Variants in TLN2 observed in about 807,000 individuals in gnomAD.
TLN2 encodes talin-2.
Under a neutral mutation model 294.7 loss-of-function variants are expected in TLN2, and 118 were observed. That is an observed-to-expected ratio of 0.40 (90% confidence interval 0.34 to 0.47). TLN2 has a LOEUF of 0.47. Ranked by LOEUF, TLN2 falls within the 20% of genes least tolerant of loss-of-function variation. The pLI is 0.84. For missense variants in TLN2, 3,083 were observed against 3,282.2 expected (o/e 0.94, Z 1.48); for synonymous variants, 1,431 against 1,304.5 (o/e 1.10, Z -2.09).
chr15:62,398,243 T>A (rs1284575741), intron 1 of TLN2, among the ~76,000 whole-genome samples: 2 of 152,180 alleles, frequency 1.3e-5, no homozygotes, highest in Non-Finnish European at 2.9e-5. Context: ...CTTTTACCCC[T>A]TTGCTTGGCA....
At chr15:62,549,302 A>G (rs183991951) in intron 1 of TLN2, among the ~76,000 whole-genome samples, 73 of 151,860 alleles carry the variant, frequency 4.8e-4, no homozygotes, top group African/African-American at 1.6e-3. Context: ...GCTGAAGTTT[A>G]TTTATTATTA....
chr15:62,549,830 A>C (rs867675564), intron 1 of TLN2, among the ~76,000 whole-genome samples: 3 of 152,212 alleles, frequency 2.0e-5, no homozygotes, highest in Non-Finnish European at 4.4e-5. Flanking sequence ...AATCAAGGCC[A>C]CAATGATGTC....
At chr15:62,493,555 C>G (rs1297920931) in intron 1 of TLN2, among the ~76,000 whole-genome samples, 1 of 151,976 alleles carries the variant, frequency 6.6e-6, no homozygotes, top group Non-Finnish European at 1.5e-5. Context: ...CCCAAATCCA[C>G]TCAGCTTTCA....
At chr15:62,755,411 A>C in intron 36 of TLN2, 121 bp from the exon 37 acceptor site, 2 of 1,253,722 alleles carry the variant, frequency 1.6e-6, no homozygotes, top group Non-Finnish European at 1.1e-6. Flanking sequence ...AGAACTAGAC[A>C]TGCTTGTAAT....
intron 1 of TLN2, among the ~76,000 whole-genome samples, chr15:62,537,700 T>G (rs923757297): frequency 3.2e-4 from 49 of 152,170 alleles, no homozygotes; most frequent in African/African-American, 1.1e-3. Flanking sequence ...GAATGATGGA[T>G]GAGAATGTTA....
chr15:62,746,160 T>TA (rs397768910), intron 32 of TLN2, among the ~76,000 whole-genome samples: 1 of 151,886 alleles, frequency 6.6e-6, no homozygotes, highest in Non-Finnish European at 1.5e-5. Context: ...CAAGGTTTTT[T>TA]AAAAAACACA....
chr15:62,518,480 C>T (rs975315243), intron 1 of TLN2, among the ~76,000 whole-genome samples: 7 of 152,164 alleles, frequency 4.6e-5, no homozygotes, highest in African/African-American at 1.7e-4. Context: ...CTTGTCTGAG[C>T]CTCAGGTTTC....
At chr15:62,747,011 A>G (rs543625953) in intron 32 of TLN2, among the ~76,000 whole-genome samples, 1 of 152,310 alleles carries the variant, frequency 6.6e-6, no homozygotes, top group Non-Finnish European at 1.5e-5. Flanking sequence ...AGTGCAACAC[A>G]TATCAATGGT....
At chr15:62,685,755 A>G (rs995134172) in intron 11 of TLN2, among the ~76,000 whole-genome samples, 1 of 152,190 alleles carries the variant, frequency 6.6e-6, no homozygotes, top group Non-Finnish European at 1.5e-5. Flanking sequence ...CATCACATAG[A>G]CAGTATATGA....
At chr15:62,818,392 A>G (rs937165044) in intron 52 of TLN2, among the ~76,000 whole-genome samples, 6 of 152,192 alleles carry the variant, frequency 3.9e-5, no homozygotes, top group Non-Finnish European at 7.3e-5. Flanking sequence ...AAGAATTTCA[A>G]CATGAGGAAG....
At chr15:62,516,006 G>A (rs1432933005) in intron 1 of TLN2, among the ~76,000 whole-genome samples, 1 of 152,180 alleles carries the variant, frequency 6.6e-6, no homozygotes, top group South Asian at 2.1e-4. Flanking sequence ...GCCAGGACTC[G>A]AAGGGAGCCA....
chr15:62,499,580 C>T (rs1314879041), intron 1 of TLN2, among the ~76,000 whole-genome samples: 4 of 152,146 alleles, frequency 2.6e-5, no homozygotes, highest in Admixed American at 1.3e-4. Context: ...CCCCACTTTA[C>T]CAGTCCTTAA....
rs1397019443 is a variant in TLN2 at position 62,771,150 on chromosome 15, T to A, written c.5367+16T>A. 5 of 1,594,674 alleles carry A rather than the reference T, an allele frequency of 3.1e-6. No homozygotes were observed. In the Admixed American group the frequency reaches 5.1e-5, roughly 16 times the overall value. ...AAACCCCAAGGTATGGTCCAGGATA[T>A]CGGGGACTCACTTAGGACCACTAAG... On this transcript the variant is annotated intron_variant, in intron 42 of 58. Transcript: ENST00000636159.
intron 2 of TLN2, among the ~76,000 whole-genome samples, chr15:62,596,856 C>T (rs1479807466): frequency 6.6e-6 from 1 of 151,876 alleles, no homozygotes; most frequent in Admixed American, 6.6e-5. Context: ...AGCATCTTGC[C>T]TTCCTTCACT....
At chr15:62,740,889 T>TG in intron 32 of TLN2, 120 bp downstream of exon 32, 1 of 1,320,812 alleles carries the variant, frequency 7.6e-7, no homozygotes. Context: ...CCTTAGGTCA[T>TG]GGGAGGTGGA....
At chr15:62,832,579 A>T (rs2068986399) in intron 54 of TLN2, 1 of 152,222 alleles carries the variant, frequency 6.6e-6, no homozygotes, top group South Asian at 2.1e-4. Context: ...GTGAATTTAG[A>T]CCAGAACCCT....
At chr15:62,573,789 T>C (rs116387363) in intron 1 of TLN2, among the ~76,000 whole-genome samples, 4,046 of 150,768 alleles carry the variant, frequency 0.027, 181 homozygotes, top group African/African-American at 0.094. Flanking sequence ...TTTTTTTTTT[T>C]AAAACAACAG....
chr15:62,528,415 C>T (rs553214933), intron 1 of TLN2, among the ~76,000 whole-genome samples: 4 of 152,188 alleles, frequency 2.6e-5, no homozygotes, highest in African/African-American at 9.6e-5. Context: ...AGTAGGTTAA[C>T]AAACTTAGGT....
At chr15:62,462,859 C>A (rs375844316) in intron 1 of TLN2, among the ~76,000 whole-genome samples, 8 of 152,136 alleles carry the variant, frequency 5.3e-5, no homozygotes, top group African/African-American at 1.9e-4. Flanking sequence ...AATGAAAATG[C>A]CCTTGTTAGG....
Sources: gnomAD v4.1 joint callset for allele counts (sites outside exome capture counted in the v4.1 genomes callset) on GRCh38, gnomAD v4.1.1 for gene constraint, MANE v1.5 for transcripts, NCBI Gene and HGNC (gene_info 2026-07-23, HGNC 2026-07-21) for gene names.